Variants in SLC25A30 observed in about 807,000 individuals in gnomAD.
The protein encoded by SLC25A30 is solute carrier family 25 member 30.
In SLC25A30, 29 loss-of-function variants were observed where a neutral mutation model predicts 42.7. That is an observed-to-expected ratio of 0.68 (90% CI 0.51 to 0.93). The LOEUF is 0.93. Ranked by LOEUF, SLC25A30 falls within the 40% of genes least tolerant of loss-of-function variation. The pLI, the probability that SLC25A30 is intolerant of heterozygous loss-of-function variation, is 0.00. For missense variants in SLC25A30, 300 were observed against 359.7 expected (o/e 0.83, Z 1.34); for synonymous variants, 124 against 131.0 (o/e 0.95, Z 0.37).
At chr13:45,425,477 C>CATATATATAAATATATATAAGT in the SLC25A30 span, among the ~76,000 whole-genome samples, 1 of 96,498 alleles carries the variant, frequency 1.0e-5, no homozygotes, top group African/African-American at 4.1e-5. Context: ...TATATATAAG[C>CATATATATAAATATATATAAGT]ATATATAAAT....
chr13:45,424,579 A>G, the SLC25A30 span, among the ~76,000 whole-genome samples: 1 of 44,494 alleles, frequency 2.2e-5, no homozygotes, highest in Non-Finnish European at 4.2e-5. Flanking sequence ...AAATATATAA[A>G]TATATATAAA....
At chr13:45,399,956 C>G (rs752089440) in intron 7 of SLC25A30, among the ~76,000 whole-genome samples, 3 of 149,028 alleles carry the variant, frequency 2.0e-5, no homozygotes, top group Non-Finnish European at 4.4e-5. Flanking sequence ...AGTATTCCCC[C>G]CTGGTTGTGA....
rs1881197448 is a variant in SLC25A30, at chr13:45,394,870, A to AC, written c.*1103dup. The AC allele has an allele frequency of 6.1e-6, 6 of 985,490 alleles. No individual in the cohort carries two copies. The highest frequency in any genetic ancestry group is 7.2e-6 in the Non-Finnish European group (6 of 829,940). 61.0% of individuals were successfully genotyped at this position (985,490 alleles called of 1,614,324 possible). On this transcript the variant is annotated 3_prime_UTR_variant, in exon 10 of 10. Transcript: ENST00000519676. The stretch of plus-strand genomic sequence containing the variant: ...AAACAGAAAGTCCAAGACAGGCACA[A>AC]CATAAACTAAAGTAAAAACTGGAAA...
chr13:45,408,134 G>A (rs1310277656), intron 3 of SLC25A30, among the ~76,000 whole-genome samples: 2 of 152,196 alleles, frequency 1.3e-5, no homozygotes, highest in Non-Finnish European at 2.9e-5. Flanking sequence ...TACCAAGAAA[G>A]CAGATGCCAT....
chr13:45,433,643 C>T, the SLC25A30 span, among the ~76,000 whole-genome samples: 1 of 152,166 alleles, frequency 6.6e-6, no homozygotes. Flanking sequence ...CATGACATTT[C>T]CATCTGGTAA....
At chr13:45,414,635 T>C (rs201087151) in intron 1 of SLC25A30, among the ~76,000 whole-genome samples, 238 of 139,950 alleles carry the variant, frequency 1.7e-3, no homozygotes, top group Middle Eastern at 3.7e-3. Flanking sequence ...CACACACACA[T>C]ACACACACAC....
chr13:45,400,176 C>T (rs1360752717), intron 7 of SLC25A30, among the ~76,000 whole-genome samples: 1 of 151,944 alleles, frequency 6.6e-6, no homozygotes, highest in Non-Finnish European at 1.5e-5. Context: ...AATCCCAGCA[C>T]TTTGGGAGGC....
At chr13:45,433,547 C>T in the SLC25A30 span, among the ~76,000 whole-genome samples, 3 of 152,194 alleles carry the variant, frequency 2.0e-5, no homozygotes, top group Non-Finnish European at 2.9e-5. Flanking sequence ...GTTCTTGGAA[C>T]TTGCCCTGAG....
the SLC25A30 span, among the ~76,000 whole-genome samples, chr13:45,425,836 G>A: frequency 6.9e-6 from 1 of 145,944 alleles, no homozygotes; most frequent in East Asian, 2.0e-4. Flanking sequence ...GGGATTACAG[G>A]TGCCCGCCAG....
At chr13:45,432,049 T>C in the SLC25A30 span, among the ~76,000 whole-genome samples, 1 of 151,948 alleles carries the variant, frequency 6.6e-6, no homozygotes, top group Non-Finnish European at 1.5e-5. Context: ...GTGGGTGGAC[T>C]ACTTGAGGTC....
the SLC25A30 span, among the ~76,000 whole-genome samples, chr13:45,432,304 T>G: frequency 6.6e-6 from 1 of 152,012 alleles, no homozygotes; most frequent in Non-Finnish European, 1.5e-5. Flanking sequence ...CTTATCCTCT[T>G]TATAATTCTC....
At chr13:45,424,539 A>G in the SLC25A30 span, among the ~76,000 whole-genome samples, 1 of 79,776 alleles carries the variant, frequency 1.3e-5, no homozygotes, top group Non-Finnish European at 2.2e-5. Context: ...ATATATAAAT[A>G]TATAAATATA....
chr13:45,424,158 T>G, the SLC25A30 span, among the ~76,000 whole-genome samples: 6 of 99,234 alleles, frequency 6.0e-5, no homozygotes, highest in African/African-American at 8.5e-5. Flanking sequence ...AGTATATATA[T>G]AGAAATATAT....
At chr13:45,427,468 G>T in the SLC25A30 span, among the ~76,000 whole-genome samples, 3 of 152,076 alleles carry the variant, frequency 2.0e-5, no homozygotes, top group South Asian at 4.2e-4. Context: ...GTTTGTCCCA[G>T]GCCATTGTAT....
chr13:45,432,765 G>A, the SLC25A30 span, among the ~76,000 whole-genome samples: 8 of 151,688 alleles, frequency 5.3e-5, no homozygotes, highest in African/African-American at 1.9e-4. Context: ...GGCCAGGTGT[G>A]GTGGTTTGCA....
In SLC25A30 at chr13:45,394,774, A is replaced by G. The variant is rs776124787; in HGVS notation, c.*1200T>C. The G allele has an allele frequency of 5.4e-5, 53 of 985,300 alleles. No homozygotes were observed. The Admixed American group carries it at 1.1e-3, about 21-fold the overall frequency. The allele number at this position is 985,300 out of a possible 1,614,324, so 61.0% of individuals were successfully genotyped here. A position where few individuals can be genotyped will look rare whatever the true frequency, so the allele number is the denominator to read the frequency against. Reference sequence around the variant, plus strand: ...GGGAAAATATTACATACCACCTATCAGAAACTAGCTAAATAGATGCACTAA... The same window carrying G: ...GGGAAAATATTACATACCACCTATCGGAAACTAGCTAAATAGATGCACTAA... On this transcript the variant is annotated 3_prime_UTR_variant, in exon 10 of 10. Transcript: ENST00000519676.
At chr13:45,432,016 T>A in the SLC25A30 span, among the ~76,000 whole-genome samples, 10 of 152,218 alleles carry the variant, frequency 6.6e-5, no homozygotes, top group African/African-American at 2.4e-4. Context: ...ATACCTGTAA[T>A]CCTGGCACTT....
In SLC25A30 at chr13:45,394,064, A is replaced by T. The variant is rs1170187619; in HGVS notation, c.*1910T>A. Reference sequence around the variant, plus strand: ...TCAAAAGTGAAAGCCTCTCTATAGAAAGTCTTTATAAAATCAATGGAATGT... The same window carrying T: ...TCAAAAGTGAAAGCCTCTCTATAGATAGTCTTTATAAAATCAATGGAATGT... On this transcript the variant is annotated 3_prime_UTR_variant, in exon 10 of 10. Coordinates refer to ENST00000519676, the MANE Select transcript of SLC25A30 (RefSeq NM_001010875.4). The T allele has an allele frequency of 1.0e-6, 1 of 985,208 alleles. No homozygotes were observed. The highest frequency in any genetic ancestry group is 1.2e-6 in the Non-Finnish European group (1 of 829,842). The allele number at this position is 985,208 out of a possible 1,614,324, so 61.0% of individuals were successfully genotyped here. A position where few individuals can be genotyped will look rare whatever the true frequency, so the allele number is the denominator to read the frequency against.
At chr13:45,433,839 A>G in the SLC25A30 span, among the ~76,000 whole-genome samples, 690 of 152,334 alleles carry the variant, frequency 4.5e-3, 1 homozygote, top group Non-Finnish European at 7.6e-3. Context: ...CTACTGAGAC[A>G]AACATTTCCG....
Sources: allele counts gnomAD v4.1 joint callset (sites outside exome capture counted in the v4.1 genomes callset), GRCh38; gene constraint gnomAD v4.1.1; transcripts MANE v1.5; gene names NCBI Gene and HGNC (gene_info 2026-07-23, HGNC 2026-07-21).